Variants in TDP1 observed in about 807,000 individuals in gnomAD.
TDP1 encodes tyrosyl-DNA phosphodiesterase 1, also known as tyr-DNA phosphodiesterase 1.
In TDP1, 64 loss-of-function variants were observed where a neutral mutation model predicts 81.5. The observed-to-expected ratio is 0.79, with a 90% CI of 0.64 to 0.97. The LOEUF (loss-of-function observed/expected upper bound fraction) is 0.97. Among genes scored for constraint, TDP1 ranks in the 50% least tolerant of loss-of-function variants. TDP1 has a pLI of 0.00. For synonymous variants in TDP1, 256 were observed against 264.3 expected, an observed-to-expected ratio of 0.97 and a Z score of 0.30; for missense variants, 723 against 743.8, an observed-to-expected ratio of 0.97 and a Z score of 0.33.
At chr14:89,971,024 CGG>C (rs1256625411) in intron 5 of TDP1, 149 bp from the exon 6 acceptor site, 1 of 645,026 alleles carries the variant, frequency 1.6e-6, no homozygotes, top group East Asian at 3.3e-5. Context: ...TTAGTAGAGA[CGG>C]GGTTTCACCA....
intron 14 of TDP1, among the ~76,000 whole-genome samples, chr14:90,012,362 G>A (rs1290884378): frequency 6.6e-6 from 1 of 151,956 alleles, no homozygotes; most frequent in Non-Finnish European, 1.5e-5. Flanking sequence ...CTGCAATCTT[G>A]AAGGATTCTG....
At chr14:89,982,014 T>C (rs760571098) in intron 8 of TDP1, among the ~76,000 whole-genome samples, 5 of 152,064 alleles carry the variant, frequency 3.3e-5, no homozygotes, top group Non-Finnish European at 5.9e-5. Flanking sequence ...CTTCAACAGG[T>C]CTTGCTTCAA....
At chr14:89,971,982 A>G (rs1869939313) in intron 6 of TDP1, among the ~76,000 whole-genome samples, 1 of 152,150 alleles carries the variant, frequency 6.6e-6, no homozygotes, top group Non-Finnish European at 1.5e-5. Flanking sequence ...CTGTTAGGAA[A>G]CTATGTGAGT....
chr14:89,969,400 T>A (rs1291850596), intron 5 of TDP1, among the ~76,000 whole-genome samples: 1 of 152,232 alleles, frequency 6.6e-6, no homozygotes, highest in Non-Finnish European at 1.5e-5. Flanking sequence ...GTAGAAAAAT[T>A]CAGATCATAA....
intron 14 of TDP1, among the ~76,000 whole-genome samples, chr14:90,014,142 G>A (rs1040413547): frequency 1.3e-5 from 2 of 152,192 alleles, no homozygotes; most frequent in Admixed American, 6.5e-5. Context: ...GTTCTCAAGA[G>A]TCTAAGAAAA....
intron 3 of TDP1, 117 bp downstream of exon 3, chr14:89,963,790 A>G: frequency 8.2e-7 from 1 of 1,226,834 alleles, no homozygotes; most frequent in Non-Finnish European, 1.2e-6. Flanking sequence ...GTTCTTAACT[A>G]CTTTCAGGAA....
At chr14:90,042,015 A>C (rs1181520688) in intron 16 of TDP1, among the ~76,000 whole-genome samples, 1 of 152,150 alleles carries the variant, frequency 6.6e-6, no homozygotes, top group Non-Finnish European at 1.5e-5. Context: ...CATAACCCAC[A>C]TGCCTTCCCT....
chr14:89,958,799 A>G (rs924843752), intron 2 of TDP1, among the ~76,000 whole-genome samples: 2 of 152,202 alleles, frequency 1.3e-5, no homozygotes, highest in East Asian at 1.9e-4. Context: ...CCCTGCCCCT[A>G]TCTGCCTAGG....
chr14:90,032,776 A>G, intron 15 of TDP1: 2 of 985,250 alleles, frequency 2.0e-6, no homozygotes, highest in African/African-American at 1.7e-5. Flanking sequence ...GAGTTCTACA[A>G]ACTCCCTGCA....
rs1467664797 is a variant in TDP1 at position 89,984,702 on chromosome 14, A to G, written c.1052+19A>G. The G allele has an allele frequency of 2.5e-6, 4 of 1,612,722 alleles. No homozygotes were observed. The highest frequency in any genetic ancestry group is 2.2e-5 in the East Asian group (1 of 44,878). ...AAACAAAGTATGTGTCAGCTTATCA[A>G]TTTGGGGTGCTTATGATAGGCTTAT... On this transcript the variant is annotated intron_variant, in intron 9 of 16. Transcript: ENST00000335725.
At chr14:89,964,201 TGAAGAA>T (rs201963285) in intron 3 of TDP1, among the ~76,000 whole-genome samples, 1 of 150,652 alleles carries the variant, frequency 6.6e-6, no homozygotes, top group Admixed American at 6.6e-5. Context: ...TAGTTCCTGG[TGAAGAA>T]GAAGAAGAAA....
At chr14:89,979,753 GTCTTCAGACTTCAAA>G (rs1194010688) in intron 7 of TDP1, among the ~76,000 whole-genome samples, 2 of 152,134 alleles carry the variant, frequency 1.3e-5, no homozygotes, top group African/African-American at 4.8e-5. Flanking sequence ...TGGAGCTCAG[GTCTTCAGACTTCAAA>G]TGGAAAGCTT....
chr14:89,985,687 T>C (rs1895477996), intron 10 of TDP1, among the ~76,000 whole-genome samples: 1 of 152,204 alleles, frequency 6.6e-6, no homozygotes, highest in South Asian at 2.1e-4. Context: ...TAAAATAAGT[T>C]GAAGATTAAA....
chr14:89,963,265 G>A lies in TDP1; in HGVS notation c.151G>A (p.Ala51Thr), dbSNP rs1248016181. Residue 51 changes from alanine to threonine, a missense_variant, in exon 3 of 17, where the codon GCC (alanine) becomes ACC (threonine). By Grantham distance (58) the Ala-to-Thr change is moderately conservative. Coordinates refer to ENST00000335725, the MANE Select transcript of TDP1 (RefSeq NM_018319.4). ...TGAGCCCAGGTACACCTGTTCCGAGGCCCAGAAAGCTGCACACAAGAGGAA... is the reference window on the plus strand; with the variant it reads ...TGAGCCCAGGTACACCTGTTCCGAGACCCAGAAAGCTGCACACAAGAGGAA... ...ANEPRYTCSE[A>T]QKAAHKRKIS... 3.1e-6 allele frequency: 5 copies of A among 1,613,994 alleles called. No individual in the cohort carries two copies. The highest frequency in any genetic ancestry group is 1.7e-5 in the Admixed American group (1 of 59,986).
chr14:90,018,342 T>C (rs188041483), intron 14 of TDP1, among the ~76,000 whole-genome samples: 1 of 152,322 alleles, frequency 6.6e-6, no homozygotes, highest in Admixed American at 6.5e-5. Flanking sequence ...CATTCGCTTA[T>C]AAAAAGAGTC....
At chr14:90,018,936 A>C in intron 14 of TDP1, 1 of 972,726 alleles carries the variant, frequency 1.0e-6, no homozygotes, top group Non-Finnish European at 1.2e-6. Context: ...ACTACATAAG[A>C]TAATATTAAC....
chr14:89,962,342 G>T (rs1461601179), intron 2 of TDP1, among the ~76,000 whole-genome samples: 1 of 152,188 alleles, frequency 6.6e-6, no homozygotes, highest in East Asian at 1.9e-4. Context: ...CTTTTGGGAA[G>T]TAAGACATAC....
chr14:89,986,738 G>T (rs1895612591), intron 10 of TDP1, among the ~76,000 whole-genome samples: 1 of 152,208 alleles, frequency 6.6e-6, no homozygotes, highest in Admixed American at 6.5e-5. Flanking sequence ...TAAGTTGTCG[G>T]TTCAGCTCTG....
At chr14:89,995,605 G>A (rs1222811977) in intron 14 of TDP1, among the ~76,000 whole-genome samples, 1 of 152,006 alleles carries the variant, frequency 6.6e-6, no homozygotes, top group African/African-American at 2.4e-5. Context: ...CCATAATAAA[G>A]GAAAGTATAG....
Sources: gnomAD v4.1 joint callset for allele counts (sites outside exome capture counted in the v4.1 genomes callset) on GRCh38, gnomAD v4.1.1 for gene constraint, MANE v1.5 for transcripts, NCBI Gene and HGNC (gene_info 2026-07-23, HGNC 2026-07-21) for gene names.